Variants in RERE observed in about 807,000 individuals in gnomAD.
RERE encodes the protein arginine-glutamic acid dipeptide repeats protein.
A neutral mutation model predicts 146.1 loss-of-function variants in RERE; 40 were observed. That is an observed-to-expected ratio of 0.27 (90% confidence interval 0.21 to 0.36). RERE has a LOEUF of 0.36. RERE is among the 10% of genes least tolerant of loss of function. The pLI is 1.00. For synonymous variants in RERE, 1,003 were observed against 866.0 expected, an observed-to-expected ratio of 1.16 and a Z score of -2.78; for missense variants, 1,933 against 2,138.7, an observed-to-expected ratio of 0.90 and a Z score of 1.90.
chr1:8,724,864 T>A (rs562967938), intron 1 of RERE, among the ~76,000 whole-genome samples: 2 of 141,882 alleles, frequency 1.4e-5, no homozygotes, highest in Non-Finnish European at 3.0e-5. Context: ...CTTTTATTTC[T>A]AGATACTTTG....
At chr1:8,579,746 G>A (rs1013598571) in intron 4 of RERE, among the ~76,000 whole-genome samples, 1 of 152,260 alleles carries the variant, frequency 6.6e-6, no homozygotes, top group African/African-American at 2.4e-5. Context: ...GCTCACGCCT[G>A]TAATCCCAAC....
intron 2 of RERE, among the ~76,000 whole-genome samples, chr1:8,643,711 G>C (rs914860872): frequency 1.3e-5 from 2 of 152,204 alleles, no homozygotes; most frequent in Non-Finnish European, 2.9e-5. Context: ...TTTTTGTGAA[G>C]GTGAGCACAG....
At chr1:8,647,106 C>T (rs1415227525) in intron 2 of RERE, among the ~76,000 whole-genome samples, 1 of 152,214 alleles carries the variant, frequency 6.6e-6, no homozygotes, top group Non-Finnish European at 1.5e-5. Flanking sequence ...TAACACGACC[C>T]TGCCAACACC....
At chr1:8,601,348 CA>C (rs1006597401) in intron 4 of RERE, among the ~76,000 whole-genome samples, 8 of 151,926 alleles carry the variant, frequency 5.3e-5, no homozygotes, top group African/African-American at 1.7e-4. Context: ...AAGTACAAAT[CA>C]AACTACATCA....
rs930542680 is a variant in RERE, at chr1:8,364,372, A to G, written c.1541-117T>C. ...AAACCTGATGCCACCAGCACCATGC[A>G]GCCCTGGGCCCCAACACCCCAGGGC... On this transcript the variant is annotated intron_variant, in intron 14 of 22. Transcript: ENST00000400908. This position sits in a 1 kb window ranked among gnomAD's most constrained non-coding sequence, Gnocchi z 5.1. The G allele has an allele frequency of 8.9e-6, 8 of 894,204 alleles. No individual in the cohort carries two copies. Among genetic ancestry groups the G allele is most frequent in the Non-Finnish European group, 1.2e-5 (7 of 560,028 alleles). The allele number at this position is 894,204 out of a possible 1,614,324, so 55.4% of individuals were successfully genotyped here. A position where few individuals can be genotyped will look rare whatever the true frequency, so the allele number is the denominator to read the frequency against.
intron 12 of RERE, among the ~76,000 whole-genome samples, chr1:8,418,459 A>G (rs551294569): frequency 1.3e-5 from 2 of 152,284 alleles, no homozygotes; most frequent in Admixed American, 1.3e-4. Flanking sequence ...CTTCTCACCA[A>G]TCTTAGTTGC....
intron 12 of RERE, among the ~76,000 whole-genome samples, chr1:8,386,010 ATATATATATATATTTTTTTTTT>A (rs1339419884): frequency 1.5e-3 from 66 of 44,066 alleles, no homozygotes; most frequent in African/African-American, 5.6e-3. Flanking sequence ...ATATATATAT[ATATATATATATATTTTTTTTTT>A]TTTTTTTTTT....
chr1:8,501,145 G>A (rs1293373429), intron 8 of RERE, among the ~76,000 whole-genome samples: 91 of 143,930 alleles, frequency 6.3e-4, no homozygotes, highest in African/African-American at 2.4e-3. Context: ...CCGGCCAGCT[G>A]CCCCGTCCGG....
At chr1:8,362,081 G>C (rs532168635) in intron 16 of RERE, among the ~76,000 whole-genome samples, 4 of 152,222 alleles carry the variant, frequency 2.6e-5, no homozygotes, top group Non-Finnish European at 5.9e-5. Context: ...TGCACCTGTG[G>C]GTTTGCATCC....
intron 12 of RERE, among the ~76,000 whole-genome samples, chr1:8,415,781 G>A (rs959060909): frequency 2.6e-5 from 4 of 152,138 alleles, no homozygotes; most frequent in Admixed American, 6.5e-5. Context: ...TAATAGATTC[G>A]AGCCTCGGCT....
At chr1:8,458,548 T>TGTCTAACACA (rs1644482285) in intron 11 of RERE, among the ~76,000 whole-genome samples, 1 of 152,256 alleles carries the variant, frequency 6.6e-6, no homozygotes, top group Non-Finnish European at 1.5e-5. Context: ...ATAGCCCTGA[T>TGTCTAACACA]GTCTAAACAC....
Position 8,353,119 on chromosome 1 carries a change from G to A in RERE, c.*1968C>T, listed in dbSNP as rs1308919595. ...GTCCCCACCCCAGAAGGAAACGAAT[G>A]CCTTCAAGCCAATGTGGCCTGAAGT... is the stretch of plus-strand genomic sequence containing the variant. On this transcript the variant is annotated 3_prime_UTR_variant, in exon 23 of 23. Transcript: ENST00000400908. 6.6e-6 allele frequency: 1 copy of A among 152,514 alleles called. No individual in the cohort carries two copies. The highest frequency in any genetic ancestry group is 2.4e-5 in the African/African-American group (1 of 41,452). 9.4% of individuals were successfully genotyped at this position (152,514 alleles called of 1,614,324 possible).
chr1:8,627,429 C>G (rs765436050), intron 2 of RERE, among the ~76,000 whole-genome samples: 5 of 151,962 alleles, frequency 3.3e-5, no homozygotes, highest in Non-Finnish European at 5.9e-5. Flanking sequence ...TGGTGAAACC[C>G]CAACTACACT....
At chr1:8,786,777 T>C (rs1569795613) in intron 1 of RERE, 2 of 790,028 alleles carry the variant, frequency 2.5e-6, no homozygotes, top group Non-Finnish European at 4.5e-6. Context: ...GATAGCACTA[T>C]GCTTTTTCAT....
At chr1:8,727,432 G>A (rs970377486) in intron 1 of RERE, among the ~76,000 whole-genome samples, 3 of 152,158 alleles carry the variant, frequency 2.0e-5, no homozygotes, top group Non-Finnish European at 4.4e-5. Context: ...GTGAGCCACC[G>A]CATCTGGCTA....
At chr1:8,706,170 T>TAA (rs911923016) in intron 1 of RERE, among the ~76,000 whole-genome samples, 1 of 145,876 alleles carries the variant, frequency 6.9e-6, no homozygotes, top group Non-Finnish European at 1.5e-5. Context: ...AAAAGCCTAG[T>TAA]AAGCCAAGAG....
chr1:8,500,305 C>T (rs540418031), intron 8 of RERE, among the ~76,000 whole-genome samples: 1 of 152,114 alleles, frequency 6.6e-6, no homozygotes, highest in African/African-American at 2.4e-5. Context: ...AACCTCCCCC[C>T]CATTCTTGAG....
chr1:8,511,556 G>GATAT (rs573711889), intron 7 of RERE, among the ~76,000 whole-genome samples: 2 of 152,136 alleles, frequency 1.3e-5, no homozygotes, highest in Non-Finnish European at 2.9e-5. Context: ...TTAGGTCCAA[G>GATAT]ATATAAAGAG....
At chr1:8,652,692 G>A (rs1465088672) in intron 2 of RERE, among the ~76,000 whole-genome samples, 5 of 152,188 alleles carry the variant, frequency 3.3e-5, no homozygotes, top group African/African-American at 9.7e-5. Context: ...CATATCCTGT[G>A]AGAACTCACT....
Sources: gnomAD v4.1 joint callset for allele counts (sites outside exome capture counted in the v4.1 genomes callset) on GRCh38, gnomAD v4.1.1 for gene constraint, Gnocchi (gnomAD v3.1) non-coding constraint, MANE v1.5 for transcripts, NCBI Gene and HGNC (gene_info 2026-07-23, HGNC 2026-07-21) for gene names.